GPC5: variants seen among roughly 807,000 people sequenced by gnomAD.
The protein encoded by GPC5 is glypican 5, also known as glypican-5.
Under a neutral mutation model 53.9 loss-of-function variants are expected in GPC5, and 47 were observed. The ratio of observed to expected loss-of-function variants is 0.87; its 90% confidence interval spans 0.69 to 1.11. The LOEUF (loss-of-function observed/expected upper bound fraction) is 1.11, where lower values mean the gene tolerates loss of function less well. GPC5 is among the 50% of genes most tolerant of loss of function. The pLI, the probability that GPC5 is intolerant of heterozygous loss-of-function variation, is 0.00. For missense variants in GPC5, 748 were observed against 713.1 expected (o/e 1.05, Z -0.56); for synonymous variants, 286 against 263.3 (o/e 1.09, Z -0.84).
At chr13:92,437,666 C>A (rs1280878677) in intron 7 of GPC5, among the ~76,000 whole-genome samples, 1 of 152,068 alleles carries the variant, frequency 6.6e-6, no homozygotes, top group Non-Finnish European at 1.5e-5. Flanking sequence ...TAGTGTCATA[C>A]AACATCACCC....
intron 6 of GPC5, among the ~76,000 whole-genome samples, chr13:92,089,496 C>T (rs982048031): frequency 7.8e-6 from 1 of 128,498 alleles, no homozygotes; most frequent in African/African-American, 2.6e-5. Flanking sequence ...TCTAGTATTT[C>T]CCACACGGTT....
At chr13:91,948,946 G>A (rs898619328) in intron 6 of GPC5, among the ~76,000 whole-genome samples, 1 of 152,106 alleles carries the variant, frequency 6.6e-6, no homozygotes, top group Non-Finnish European at 1.5e-5. Context: ...TATGTCAGTG[G>A]TACAGCTTAC....
At chr13:91,500,014 A>G (rs952166782) in intron 2 of GPC5, among the ~76,000 whole-genome samples, 1 of 152,102 alleles carries the variant, frequency 6.6e-6, no homozygotes, top group Non-Finnish European at 1.5e-5. Flanking sequence ...TCTTCCAGGA[A>G]ACTCTTCTCT....
intron 7 of GPC5, among the ~76,000 whole-genome samples, chr13:92,203,646 A>G (rs998006817): frequency 8.3e-6 from 1 of 119,772 alleles, no homozygotes; most frequent in Non-Finnish European, 1.9e-5. Context: ...ATAAAAAAAT[A>G]TATATATATA....
chr13:91,820,135 C>T (rs1426791223), intron 5 of GPC5, among the ~76,000 whole-genome samples: 1 of 151,624 alleles, frequency 6.6e-6, no homozygotes, highest in Non-Finnish European at 1.5e-5. Flanking sequence ...TTTTTATAGT[C>T]CCTATTTAGT....
At chr13:92,575,627 C>A (rs1041108452) in intron 7 of GPC5, among the ~76,000 whole-genome samples, 1 of 152,148 alleles carries the variant, frequency 6.6e-6, no homozygotes, top group Non-Finnish European at 1.5e-5. Context: ...ATCCCATTAA[C>A]TTCCTGTCTT....
intron 6 of GPC5, among the ~76,000 whole-genome samples, chr13:91,944,856 C>A (rs948948553): frequency 3.9e-5 from 6 of 152,276 alleles, no homozygotes; most frequent in African/African-American, 1.4e-4. Flanking sequence ...TAACCACTGG[C>A]TTCTCCTTTC....
chr13:91,888,213 T>A (rs2039346686), intron 5 of GPC5, among the ~76,000 whole-genome samples: 1 of 152,098 alleles, frequency 6.6e-6, no homozygotes, highest in Admixed American at 6.5e-5. Flanking sequence ...CTGCCCTTTT[T>A]AAAACCATCA....
At chr13:92,391,511 C>A (rs1875001612) in intron 7 of GPC5, among the ~76,000 whole-genome samples, 1 of 152,110 alleles carries the variant, frequency 6.6e-6, no homozygotes, top group Non-Finnish European at 1.5e-5. Flanking sequence ...TGAATACCTT[C>A]AGACTTTATG....
chr13:91,681,393 G>A (rs902113996), intron 2 of GPC5, among the ~76,000 whole-genome samples: 1 of 152,144 alleles, frequency 6.6e-6, no homozygotes, highest in Non-Finnish European at 1.5e-5. Context: ...ATTAGGAAGA[G>A]GTTGGCAGAA....
At chr13:92,851,504 A>G (rs955339119) in intron 7 of GPC5, among the ~76,000 whole-genome samples, 6 of 152,146 alleles carry the variant, frequency 3.9e-5, no homozygotes, top group Non-Finnish European at 4.4e-5. Flanking sequence ...CTTTGTGTAC[A>G]TGGTAGAACT....
intron 5 of GPC5, among the ~76,000 whole-genome samples, chr13:91,781,554 A>G (rs2037799124): frequency 6.6e-6 from 1 of 152,228 alleles, no homozygotes. Flanking sequence ...TTTACCACGG[A>G]ACAAGTAATA....
chr13:91,928,799 A>C (rs896518661), intron 6 of GPC5, among the ~76,000 whole-genome samples: 5 of 152,298 alleles, frequency 3.3e-5, no homozygotes, highest in African/African-American at 4.8e-5. Flanking sequence ...TTAAAATAGT[A>C]AACCTAAGGT....
intron 6 of GPC5, among the ~76,000 whole-genome samples, chr13:92,003,590 T>C (rs776798972): frequency 1.3e-5 from 2 of 152,192 alleles, no homozygotes; most frequent in Non-Finnish European, 2.9e-5. Context: ...TAAGGCTAAA[T>C]TGTACATTAG....
chr13:92,680,381 T>A (rs2139221267), intron 7 of GPC5, among the ~76,000 whole-genome samples: 1 of 152,354 alleles, frequency 6.6e-6, no homozygotes, highest in African/African-American at 2.4e-5. Flanking sequence ...TCAACTTTTT[T>A]CTTTTGCAAA....
intron 7 of GPC5, among the ~76,000 whole-genome samples, chr13:92,150,636 A>C (rs1293269550): frequency 6.6e-6 from 1 of 152,006 alleles, no homozygotes; most frequent in African/African-American, 2.4e-5. Flanking sequence ...ATTGAAGTAA[A>C]AGGTTTGTCC....
chr13:92,131,763 T>G (rs570312114), intron 6 of GPC5, among the ~76,000 whole-genome samples: 20 of 152,088 alleles, frequency 1.3e-4, no homozygotes, highest in African/African-American at 4.8e-4. Context: ...ATCTAAGTTT[T>G]TCCATGTATA....
intron 7 of GPC5, among the ~76,000 whole-genome samples, chr13:92,231,476 A>G (rs2042529871): frequency 6.6e-6 from 1 of 152,162 alleles, no homozygotes. Context: ...ATAGATGCAG[A>G]GACCCCTAAA....
intron 7 of GPC5, among the ~76,000 whole-genome samples, chr13:92,648,881 C>CA (rs1885857885): frequency 1.3e-5 from 2 of 152,080 alleles, no homozygotes; most frequent in Non-Finnish European, 2.9e-5. Context: ...TTTCCTTTAA[C>CA]AGCATTACAT....
Sources: allele counts gnomAD v4.1 joint callset (sites outside exome capture counted in the v4.1 genomes callset), GRCh38; gene constraint gnomAD v4.1.1; transcripts MANE v1.5; gene names NCBI Gene and HGNC (gene_info 2026-07-23, HGNC 2026-07-21).